KCNH8: variants seen among roughly 807,000 people sequenced by gnomAD.
The protein encoded by KCNH8 is potassium voltage-gated channel subfamily H member 8, also known as voltage-gated delayed rectifier potassium channel KCNH8.
In KCNH8, 70 loss-of-function variants were observed where a neutral mutation model predicts 103.6. The observed-to-expected ratio is 0.68, with a 90% CI of 0.56 to 0.82. KCNH8 has a LOEUF of 0.82. Among genes scored for constraint, KCNH8 ranks in the 40% least tolerant of loss-of-function variants. The pLI is 0.00. For synonymous variants in KCNH8, 498 were observed against 489.4 expected, an observed-to-expected ratio of 1.02 and a Z score of -0.23; for missense variants, 1,217 against 1,329.9, an observed-to-expected ratio of 0.92 and a Z score of 1.32.
intron 11 of KCNH8, among the ~76,000 whole-genome samples, chr3:19,468,542 G>A (rs978818825): frequency 6.6e-5 from 10 of 152,156 alleles, no homozygotes; most frequent in African/African-American, 2.4e-4. Context: ...CAGGAAAAGA[G>A]ATTTTCAAAA....
intron 1 of KCNH8, among the ~76,000 whole-genome samples, chr3:19,167,607 A>C (rs935032904): frequency 2.6e-5 from 4 of 152,210 alleles, no homozygotes; most frequent in African/African-American, 9.7e-5. Flanking sequence ...TAATGAAAAT[A>C]CTTAAGGCAC....
At chr3:19,181,532 G>T (rs1404315267) in intron 1 of KCNH8, among the ~76,000 whole-genome samples, 1 of 151,940 alleles carries the variant, frequency 6.6e-6, no homozygotes, top group African/African-American at 2.4e-5. Context: ...GTAATAAAAA[G>T]GAAAACAGAT....
chr3:19,348,999 A>G (rs1227574068), intron 5 of KCNH8, among the ~76,000 whole-genome samples: 1 of 151,556 alleles, frequency 6.6e-6, no homozygotes, highest in East Asian at 2.0e-4. Context: ...GCTTTGGATG[A>G]GTTTGTGTGC....
intron 15 of KCNH8, among the ~76,000 whole-genome samples, chr3:19,518,615 T>G (rs1055062745): frequency 1.3e-5 from 2 of 152,008 alleles, no homozygotes; most frequent in African/African-American, 4.8e-5. Context: ...ATCATAAAAT[T>G]TGTCCATTTC....
At chr3:19,158,814 T>C (rs144767259) in intron 1 of KCNH8, among the ~76,000 whole-genome samples, 20 of 152,082 alleles carry the variant, frequency 1.3e-4, no homozygotes, top group African/African-American at 4.3e-4. Context: ...TGTTGGATTA[T>C]TGAAGTTTTC....
chr3:19,364,213 C>A (rs756700249), intron 5 of KCNH8, among the ~76,000 whole-genome samples: 1 of 152,032 alleles, frequency 6.6e-6, no homozygotes, highest in Non-Finnish European at 1.5e-5. Context: ...TACCCATATA[C>A]CCCCACGTCT....
intron 11 of KCNH8, among the ~76,000 whole-genome samples, chr3:19,507,595 G>T (rs1263002820): frequency 6.6e-6 from 1 of 152,172 alleles, no homozygotes; most frequent in African/African-American, 2.4e-5. Flanking sequence ...TTCCTGCTCA[G>T]AGAACTGCAG....
At chr3:19,524,929 G>A (rs1474848732) in intron 15 of KCNH8, among the ~76,000 whole-genome samples, 1 of 151,946 alleles carries the variant, frequency 6.6e-6, no homozygotes, top group Non-Finnish European at 1.5e-5. Context: ...AGGGGCCAGA[G>A]TAGAGAGCAG....
At chr3:19,324,721 G>T (rs558483547) in intron 3 of KCNH8, among the ~76,000 whole-genome samples, 3 of 152,218 alleles carry the variant, frequency 2.0e-5, no homozygotes, top group African/African-American at 7.2e-5. Context: ...CATGCTCATG[G>T]ATAGGAACAA....
At chr3:19,385,230 A>G (rs1409055933) in intron 5 of KCNH8, among the ~76,000 whole-genome samples, 1 of 152,188 alleles carries the variant, frequency 6.6e-6, no homozygotes, top group Non-Finnish European at 1.5e-5. Flanking sequence ...GAAAAGTAAG[A>G]AAATGATGAA....
intron 2 of KCNH8, 111 bp downstream of exon 2, chr3:19,253,998 G>T: frequency 2.8e-6 from 2 of 708,610 alleles, no homozygotes; most frequent in South Asian, 3.5e-5. Flanking sequence ...TCACATACAT[G>T]CAGGCTGTTA....
At chr3:19,347,460 T>C (rs183074117) in intron 4 of KCNH8, among the ~76,000 whole-genome samples, 1 of 152,048 alleles carries the variant, frequency 6.6e-6, no homozygotes, top group Non-Finnish European at 1.5e-5. Context: ...TAGGTAATGG[T>C]CTTTTTTATT....
chr3:19,400,176 T>C (rs1444043169), intron 7 of KCNH8, among the ~76,000 whole-genome samples: 1 of 125,640 alleles, frequency 8.0e-6, no homozygotes, highest in Non-Finnish European at 1.6e-5. Context: ...GTCTCTCCAT[T>C]ACTATATACA....
intron 15 of KCNH8, among the ~76,000 whole-genome samples, chr3:19,519,194 C>G (rs928339142): frequency 7.2e-5 from 11 of 151,878 alleles, no homozygotes; most frequent in Admixed American, 2.6e-4. Context: ...CTGTGCCTAT[C>G]TTTGGTGTCC....
intron 1 of KCNH8, among the ~76,000 whole-genome samples, chr3:19,159,471 A>G (rs958844905): frequency 2.0e-5 from 3 of 152,026 alleles, no homozygotes; most frequent in Non-Finnish European, 4.4e-5. Flanking sequence ...TGTGCCGATT[A>G]CAAGGTGGTC....
chr3:19,469,660 T>A (rs1156567141), intron 11 of KCNH8, among the ~76,000 whole-genome samples: 1 of 152,164 alleles, frequency 6.6e-6, no homozygotes, highest in Non-Finnish European at 1.5e-5. Context: ...GAAGTGATTG[T>A]GGCAAACATA....
chr3:19,264,685 T>C (rs75668332), intron 2 of KCNH8, among the ~76,000 whole-genome samples: 1 of 152,134 alleles, frequency 6.6e-6, no homozygotes, highest in African/African-American at 2.4e-5. Context: ...TACCTGACTT[T>C]GCACAGACAA....
chr3:19,244,794 C>T (rs1199044826), intron 1 of KCNH8, among the ~76,000 whole-genome samples: 1 of 151,838 alleles, frequency 6.6e-6, no homozygotes, highest in Non-Finnish European at 1.5e-5. Flanking sequence ...TGTTCATGTC[C>T]TTTGCCCATT....
intron 5 of KCNH8, among the ~76,000 whole-genome samples, chr3:19,364,529 C>A (rs1384943461): frequency 6.6e-6 from 1 of 152,028 alleles, no homozygotes; most frequent in Non-Finnish European, 1.5e-5. Context: ...TGGTTACTGG[C>A]CAGCTATTTT....
Sources: gnomAD v4.1 joint callset for allele counts (sites outside exome capture counted in the v4.1 genomes callset) on GRCh38, gnomAD v4.1.1 for gene constraint, MANE v1.5 for transcripts, NCBI Gene and HGNC (gene_info 2026-07-23, HGNC 2026-07-21) for gene names.